Variants in ZNF565 observed in about 807,000 individuals in gnomAD.
ZNF565 encodes zinc finger protein 565.
Under a neutral mutation model 39.4 loss-of-function variants are expected in ZNF565, and 27 were observed. That is an observed-to-expected ratio of 0.69 (90% CI 0.51 to 0.95). The LOEUF (loss-of-function observed/expected upper bound fraction) is 0.95, where lower values mean the gene tolerates loss of function less well. Among genes scored for constraint, ZNF565 ranks in the 40% least tolerant of loss-of-function variants. The probability of loss-of-function intolerance (pLI) is 0.00; values close to 1 mark genes in which losing one functional copy is unlikely to be tolerated. For synonymous variants in ZNF565, 185 were observed against 216.6 expected (o/e 0.85, Z 1.28); for missense variants, 524 against 621.1 (o/e 0.84, Z 1.66).
At chr19:36,232,080 A>G (rs1347923198) in intron 1 of ZNF565, among the ~76,000 whole-genome samples, 1 of 151,610 alleles carries the variant, frequency 6.6e-6, no homozygotes, top group Non-Finnish European at 1.5e-5. Context: ...ATGCACACCT[A>G]TCGTCCCAGC....
At chr19:36,194,760 C>A in intron 3 of ZNF565, 1 of 561,398 alleles carries the variant, frequency 1.8e-6, no homozygotes, top group South Asian at 1.9e-5. Flanking sequence ...TTGGCTTTGG[C>A]AGACAGAAAG....
At position 36,202,154 on chromosome 19, in the gene ZNF565, C is replaced by T. The variant is rs375472365; in HGVS notation, c.-65-104G>A. 2.2e-4 allele frequency: 151 copies of T among 680,514 alleles called. No homozygotes were observed. In the African/African-American group the frequency reaches 2.4e-3, roughly 11 times the overall value. The allele number at this position is 680,514 out of a possible 1,614,324, so 42.2% of individuals were successfully genotyped here. A position where few individuals can be genotyped will look rare whatever the true frequency, so the allele number is the denominator to read the frequency against. On this transcript the variant is annotated intron_variant, in intron 1 of 4. Transcript: ENST00000304116. ...TAAAAGAATTGTACTTCCAATGTCT[C>T]GGATCTGCTTCTCCCACCTCTCCAT...
rs1241535453 is a variant in ZNF565, at chr19:36,186,667, T to G, written c.233-2934A>C. 2.0e-5 allele frequency among the ~76,000 whole-genome samples: 3 copies of G among 151,972 alleles called. No homozygotes were observed. The East Asian group carries it at 5.8e-4, about 29-fold the overall frequency. On this transcript the variant is annotated intron_variant, in intron 4 of 4. Transcript: ENST00000304116. ...AGCTGGGCATGGTGGCAGGCACCTG[T>G]GTTTCCAGGTATTCAGAAGGCTGAG... is the stretch of plus-strand genomic sequence containing the variant.
chr19:36,192,589 A>G (rs1302220679), intron 4 of ZNF565, among the ~76,000 whole-genome samples: 1 of 152,006 alleles, frequency 6.6e-6, no homozygotes, highest in Middle Eastern at 3.2e-3. Flanking sequence ...GAAAATACAA[A>G]AATTATCCAG....
upstream of ZNF565, chr19:36,214,762 C>T (rs556586316): frequency 6.5e-6 from 1 of 152,808 alleles, no homozygotes; most frequent in South Asian, 2.1e-4. Flanking sequence ...GAATGGCGTT[C>T]TCTTATCTCT....
chr19:36,231,832 C>T (rs1302526546), intron 1 of ZNF565, among the ~76,000 whole-genome samples: 6 of 151,672 alleles, frequency 4.0e-5, no homozygotes, highest in Non-Finnish European at 8.8e-5. Flanking sequence ...CATCTGTAGG[C>T]GAGGCGGCAG....
intron 1 of ZNF565, among the ~76,000 whole-genome samples, chr19:36,240,636 AG>A (rs1481554895): frequency 6.6e-6 from 1 of 152,170 alleles, no homozygotes; most frequent in Non-Finnish European, 1.5e-5. Flanking sequence ...TGGGAGGCCG[AG>A]GCGGGTGGAT....
chr19:36,243,994 AC>A (rs969015375), intron 1 of ZNF565, among the ~76,000 whole-genome samples: 1 of 151,886 alleles, frequency 6.6e-6, no homozygotes, highest in Non-Finnish European at 1.5e-5. Flanking sequence ...GAACCACCAC[AC>A]CCAGCCTTCC....
chr19:36,202,290 C>T (rs1405643011), intron 1 of ZNF565, among the ~76,000 whole-genome samples: 1 of 152,052 alleles, frequency 6.6e-6, no homozygotes, highest in Non-Finnish European at 1.5e-5. Flanking sequence ...TTGCTTAAAC[C>T]TGAAAGGTAG....
intron 1 of ZNF565, among the ~76,000 whole-genome samples, chr19:36,232,211 A>C (rs1047564268): frequency 6.6e-6 from 1 of 151,986 alleles, no homozygotes; most frequent in Middle Eastern, 3.4e-3. Flanking sequence ...AAAAAAAAAA[A>C]ACATACAAAT....
chr19:36,209,494 CAAAACA>C (rs1007347776), intron 1 of ZNF565, among the ~76,000 whole-genome samples: 44 of 151,096 alleles, frequency 2.9e-4, no homozygotes, highest in African/African-American at 1.0e-3. Context: ...GACTCCGTCT[CAAAACA>C]AAAACAAAAA....
chr19:36,204,191 C>T (rs1467808121), intron 1 of ZNF565, among the ~76,000 whole-genome samples: 1 of 152,156 alleles, frequency 6.6e-6, no homozygotes, highest in East Asian at 1.9e-4. Flanking sequence ...CTCAACTGAT[C>T]TGCCCACCTC....
chr19:36,227,797 AC>A lies in ZNF565; in HGVS notation c.55+17678del, dbSNP rs1249656510. Among the ~76,000 whole-genome samples, 6 of 152,110 alleles carry A rather than the reference AC, an allele frequency of 3.9e-5. No individual in the cohort carries two copies. In the East Asian group the frequency reaches 9.7e-4, roughly 25 times the overall value. ...TGAACTCCTGCACTCAAAACGATTC[AC>A]CCACTTCCGGCCTCCCGAAGTGTTG... On this transcript the variant is annotated intron_variant, in intron 1 of 4. Coordinates refer to the ZNF565 transcript ENST00000355114.
At position 36,183,266 on chromosome 19, in the gene ZNF565, G is replaced by C; in HGVS notation, c.700C>G (p.Arg234Gly). The stretch of plus-strand genomic sequence containing the variant: ...TGATGTAGAATAAGTTCTGATGTAC[G>C]ACCAAAGGCCTTCCCACAGTCCTTA... The part of the protein sequence containing the change: ...DCKDCGKAFG[R>G]TSELILHQRL... The change falls in exon 5 of 5, where the codon CGT becomes GGT. Residue 234 changes from arginine to glycine, a missense_variant. By Grantham distance (125) the Arg-to-Gly change is moderately radical. Coordinates refer to ENST00000304116, the MANE Select transcript of ZNF565 (RefSeq NM_152477.5). 2 of 1,614,024 alleles carry C rather than the reference G, an allele frequency of 1.2e-6. No homozygotes were observed.
intron 1 of ZNF565, among the ~76,000 whole-genome samples, chr19:36,235,226 A>G (rs551411359): frequency 6.6e-6 from 1 of 152,112 alleles, no homozygotes; most frequent in East Asian, 1.9e-4. Flanking sequence ...AAAAAGAAGA[A>G]AGAAAGATGA....
intron 4 of ZNF565, among the ~76,000 whole-genome samples, chr19:36,184,100 A>AAAAC (rs1252548960): frequency 2.5e-4 from 37 of 149,854 alleles, no homozygotes; most frequent in Non-Finnish European, 3.9e-4. Flanking sequence ...AAAAAAAAAA[A>AAAAC]AAACTATAGT....
intron 4 of ZNF565, among the ~76,000 whole-genome samples, chr19:36,187,113 C>A (rs1975329113): frequency 6.6e-6 from 1 of 151,908 alleles, no homozygotes; most frequent in Non-Finnish European, 1.5e-5. Flanking sequence ...TTGCTTGAAC[C>A]CAGGGGGCGG....
intron 4 of ZNF565, among the ~76,000 whole-genome samples, chr19:36,184,390 C>T (rs1158709339): frequency 2.0e-5 from 3 of 151,864 alleles, no homozygotes; most frequent in African/African-American, 7.2e-5. Context: ...CTCAGCCTCC[C>T]GAGTAGCTGG....
chr19:36,202,110 A>C (rs1262010946), intron 1 of ZNF565, 60 bp from the exon 2 acceptor site: 1 of 885,052 alleles, frequency 1.1e-6, no homozygotes. Flanking sequence ...TTGCCTCAGC[A>C]CTCCCAAATA....
Sources: gnomAD v4.1 joint callset for allele counts (sites outside exome capture counted in the v4.1 genomes callset) on GRCh38, gnomAD v4.1.1 for gene constraint, MANE v1.5 for transcripts, NCBI Gene and HGNC (gene_info 2026-07-23, HGNC 2026-07-21) for gene names.